MED28: variants seen among roughly 807,000 people sequenced by gnomAD.
MED28 encodes the protein mediator complex subunit 28, also known as mediator of RNA polymerase II transcription subunit 28.
MED28 carries 26 observed loss-of-function variants against 21.3 expected under a neutral mutation model. That is an observed-to-expected ratio of 1.22 (90% CI 0.89 to 1.69). The LOEUF is 1.69. Ranked by LOEUF, MED28 falls within the 40% of genes most tolerant of loss-of-function variation. The pLI, the probability that MED28 is intolerant of heterozygous loss-of-function variation, is 0.00. For synonymous variants in MED28, 110 were observed against 87.6 expected (o/e 1.26, Z -1.43); for missense variants, 257 against 215.4 (o/e 1.19, Z -1.21).
Position 17,628,034 on chromosome 4 carries a change from C to T in MED28, c.*4236C>T, listed in dbSNP as rs1181722777. 2 of 152,204 alleles carry T rather than the reference C, an allele frequency of 1.3e-5. No homozygotes were observed. The highest frequency in any genetic ancestry group is 2.9e-5 in the Non-Finnish European group (2 of 68,056). The allele number at this position is 152,204 out of a possible 1,614,324, so 9.4% of individuals were successfully genotyped here. ...TTTCTCCTGAGAAAGAAAAAAACCA[C>T]CTGTCCCTGACATTCAGAAGCTGAC... On this transcript the variant is annotated 3_prime_UTR_variant, in exon 4 of 4. Coordinates refer to ENST00000237380, the MANE Select transcript of MED28 (RefSeq NM_025205.5).
At chr4:17,616,845 C>T (rs1714467784) in intron 1 of MED28, among the ~76,000 whole-genome samples, 1 of 152,136 alleles carries the variant, frequency 6.6e-6, no homozygotes. Flanking sequence ...TAGTGTGGAG[C>T]CTGTAGTGTA....
chr4:17,623,776 C>T lies in MED28; in HGVS notation c.515C>T (p.Pro172Leu), dbSNP rs1407249638. 2.5e-6 allele frequency: 4 copies of T among 1,613,874 alleles called. No individual in the cohort carries two copies. The highest frequency in any genetic ancestry group is 2.2e-5 in the East Asian group (1 of 44,890). Reference protein sequence around the residue: ...AYLEQASANIPAPLKPT With the variant: ...AYLEQASANILAPLKPT The stretch of plus-strand genomic sequence containing the variant: ...CTGGAGCAGGCATCTGCCAACATCC[C>T]TGCACCTCTGAAGCCAACGTGAGCA... The change falls in exon 4 of 4, where the codon CCT becomes CTT. Residue 172 changes from proline (P) to leucine (L), a missense_variant. Physicochemically the swap from Pro to Leu is moderately conservative, Grantham distance 98 (BLOSUM62 -3). Coordinates refer to ENST00000237380, the MANE Select transcript of MED28 (RefSeq NM_025205.5).
At chr4:17,623,464 T>C in intron 3 of MED28, 137 bp from the exon 4 acceptor site, 1 of 765,550 alleles carries the variant, frequency 1.3e-6, no homozygotes. Context: ...AATCAAATAG[T>C]GGAGCCAAGC....
Position 17,633,558 on chromosome 4 carries a change from G to T in MED28, c.*9760G>T. On this transcript the variant is annotated 3_prime_UTR_variant, in exon 4 of 4. Transcript: ENST00000237380. ...CTGAAGTTTTCAGGTAAGTGATTCA[G>T]TGTCCCTTGTCTAATCATCCATGAA... 1 of 808,642 alleles carries T rather than the reference G, an allele frequency of 1.2e-6. No individual in the cohort carries two copies. The highest frequency in any genetic ancestry group is 1.8e-5 in the African/African-American group (1 of 56,374). The allele number at this position is 808,642 out of a possible 1,614,324, so 50.1% of individuals were successfully genotyped here.
At chr4:17,616,695 A>G (rs1009669587) in intron 1 of MED28, among the ~76,000 whole-genome samples, 1 of 152,090 alleles carries the variant, frequency 6.6e-6, no homozygotes, top group Non-Finnish European at 1.5e-5. Context: ...TTTAATACTT[A>G]CCATTAAATT....
chr4:17,615,263 G>C (rs191649665), intron 1 of MED28, among the ~76,000 whole-genome samples: 92 of 152,310 alleles, frequency 6.0e-4, no homozygotes, highest in Admixed American at 5.3e-3. Context: ...ACCAGGCGCA[G>C]CTTGGTACTA....
chr4:17,615,276 A>T (rs926185674), intron 1 of MED28, among the ~76,000 whole-genome samples: 14 of 152,140 alleles, frequency 9.2e-5, no homozygotes, highest in Non-Finnish European at 1.5e-4. Flanking sequence ...TGGTACTAAG[A>T]GCTGAGGAAG....
chr4:17,616,691 A>T (rs1714464237), intron 1 of MED28, among the ~76,000 whole-genome samples: 1 of 152,064 alleles, frequency 6.6e-6, no homozygotes, highest in South Asian at 2.1e-4. Context: ...TCTTTTTAAT[A>T]CTTACCATTA....
In MED28 at chr4:17,632,623, G is replaced by T; in HGVS notation, c.*8825G>T. On this transcript the variant is annotated 3_prime_UTR_variant, in exon 4 of 4. Transcript: ENST00000237380. The stretch of plus-strand genomic sequence containing the variant: ...GGCTTGGGCCGTTTCACCATCTGGG[G>T]TCCTAAAAGCAAAAAAAGGTTTTTT... The T allele has an allele frequency of 6.5e-7, 1 of 1,527,728 alleles. No individual in the cohort carries two copies. Among genetic ancestry groups the T allele is most frequent in the Non-Finnish European group, 8.8e-7 (1 of 1,135,968 alleles). The allele number at this position is 1,527,728 out of a possible 1,614,324, so 94.6% of individuals were successfully genotyped here.
At chr4:17,620,552 C>G (rs1004972981) in intron 2 of MED28, among the ~76,000 whole-genome samples, 1 of 152,126 alleles carries the variant, frequency 6.6e-6, no homozygotes, top group African/African-American at 2.4e-5. Flanking sequence ...AGGCTGGTGT[C>G]GAACTCCTGA....
Position 17,624,697 on chromosome 4 carries a change from G to A in MED28, c.*899G>A, listed in dbSNP as rs1172924397. On this transcript the variant is annotated 3_prime_UTR_variant, in exon 4 of 4. Transcript: ENST00000237380. ...GGGAGGGGAAACATTTTCCGTTAAGGAAGGTTGTTGCCAGTGGATTTGACT... is the reference window on the plus strand; with the variant it reads ...GGGAGGGGAAACATTTTCCGTTAAGAAAGGTTGTTGCCAGTGGATTTGACT... 1.3e-5 allele frequency: 2 copies of A among 151,906 alleles called. No individual in the cohort carries two copies. The highest frequency in any genetic ancestry group is 2.9e-5 in the Non-Finnish European group (2 of 67,996). The allele number at this position is 151,906 out of a possible 1,614,324, so 9.4% of individuals were successfully genotyped here.
rs1160002103 is a variant in MED28, at chr4:17,634,027, AT to A, written c.*10235del. ...AATTTCATTTATACACTTACATGCT[AT>A]TTTTTAAAGCACTTTTCCCTCCAAT... On this transcript the variant is annotated 3_prime_UTR_variant, in exon 4 of 4. Transcript: ENST00000237380. 69 of 589,082 alleles carry A rather than the reference AT, an allele frequency of 1.2e-4. No individual in the cohort carries two copies. Among genetic ancestry groups the A allele is most frequent in the Non-Finnish European group, 1.2e-4 (46 of 383,742 alleles). The allele number at this position is 589,082 out of a possible 1,614,324, so 36.5% of individuals were successfully genotyped here. A position where few individuals can be genotyped will look rare whatever the true frequency, so the allele number is the denominator to read the frequency against.
Position 17,624,211 on chromosome 4 carries a change from T to C in MED28, c.*413T>C, listed in dbSNP as rs1479083802. The C allele has an allele frequency of 5.1e-6, 1 of 195,894 alleles. No homozygotes were observed. The highest frequency in any genetic ancestry group is 5.3e-5 in the Admixed American group (1 of 18,834). The allele number at this position is 195,894 out of a possible 1,614,324, so 12.1% of individuals were successfully genotyped here. ...GGAGTTTTAGTCGTAGGCCTTATGATAATTACCCCGCGGTGGTGTGTAGAA... is the reference window on the plus strand; with the variant it reads ...GGAGTTTTAGTCGTAGGCCTTATGACAATTACCCCGCGGTGGTGTGTAGAA... On this transcript the variant is annotated 3_prime_UTR_variant, in exon 4 of 4. Transcript: ENST00000237380.
chr4:17,623,547 C>T (rs955417924), intron 3 of MED28, 54 bp from the exon 4 acceptor site: 30 of 1,554,774 alleles, frequency 1.9e-5, no homozygotes, highest in South Asian at 7.8e-5. Context: ...TAACCAGAAC[C>T]GTATGTGTTT....
At position 17,628,126 on chromosome 4, in the gene MED28, G is replaced by A. The variant is rs1714814513; in HGVS notation, c.*4328G>A. The A allele has an allele frequency of 6.6e-6, 1 of 152,076 alleles. No individual in the cohort carries two copies. The highest frequency in any genetic ancestry group is 2.1e-4 in the South Asian group (1 of 4,830). 9.4% of individuals were successfully genotyped at this position (152,076 alleles called of 1,614,324 possible). On this transcript the variant is annotated 3_prime_UTR_variant, in exon 4 of 4. Coordinates refer to ENST00000237380, the MANE Select transcript of MED28 (RefSeq NM_025205.5). ...GTCTCTGAATGCCAACCCCAAAGTT[G>A]CTCTCAGGCCATGATAAAATAAACC...
chr4:17,623,065 G>C (rs1024039715), intron 3 of MED28, among the ~76,000 whole-genome samples: 19 of 152,138 alleles, frequency 1.2e-4, no homozygotes, highest in African/African-American at 4.6e-4. Flanking sequence ...CTTTTTGGCT[G>C]CCCTTTTGAA....
At chr4:17,615,185 C>G (rs2108914285) in intron 1 of MED28, among the ~76,000 whole-genome samples, 1 of 152,318 alleles carries the variant, frequency 6.6e-6, no homozygotes, top group East Asian at 1.9e-4. Flanking sequence ...TATCCTGTAT[C>G]CTTTCCGCTG....
Position 17,625,942 on chromosome 4 carries a change from A to G in MED28, c.*2144A>G, listed in dbSNP as rs1225270940. The G allele has an allele frequency of 5.5e-6, 1 of 181,932 alleles. No homozygotes were observed. The highest frequency in any genetic ancestry group is 1.2e-5 in the Non-Finnish European group (1 of 86,228). The allele number at this position is 181,932 out of a possible 1,614,324, so 11.3% of individuals were successfully genotyped here. A position where few individuals can be genotyped will look rare whatever the true frequency, so the allele number is the denominator to read the frequency against. Reference sequence around the variant, plus strand: ...AACATCTGTGCCACACACATTTTGTAAATGATCCCATTCAGTCTTCTAGAA... The same window carrying G: ...AACATCTGTGCCACACACATTTTGTGAATGATCCCATTCAGTCTTCTAGAA... On this transcript the variant is annotated 3_prime_UTR_variant, in exon 4 of 4. Coordinates refer to ENST00000237380, the MANE Select transcript of MED28 (RefSeq NM_025205.5).
At chr4:17,615,918 G>C (rs1714437489) in intron 1 of MED28, among the ~76,000 whole-genome samples, 1 of 152,204 alleles carries the variant, frequency 6.6e-6, no homozygotes, top group South Asian at 2.1e-4. Flanking sequence ...CGATTATTCA[G>C]ACTGCATGGA....
Sources: allele counts gnomAD v4.1 joint callset (sites outside exome capture counted in the v4.1 genomes callset), GRCh38; gene constraint gnomAD v4.1.1; transcripts MANE v1.5; gene names NCBI Gene and HGNC (gene_info 2026-07-23, HGNC 2026-07-21).